Variants in GABRB2 observed in about 807,000 individuals in gnomAD.
The protein encoded by GABRB2 is gamma-aminobutyric acid receptor subunit beta-2.
In GABRB2, 16 loss-of-function variants were observed where a neutral mutation model predicts 54.7. That is an observed-to-expected ratio of 0.29 (90% CI 0.20 to 0.44). The LOEUF is 0.44. GABRB2 is among the 20% of genes least tolerant of loss of function. The probability of loss-of-function intolerance (pLI) is 1.00; values close to 1 mark genes in which losing one functional copy is unlikely to be tolerated. For synonymous variants in GABRB2, 244 were observed against 233.8 expected (o/e 1.04, Z -0.40); for missense variants, 355 against 644.0 (o/e 0.55, Z 4.86).
At chr5:161,339,068 TCA>T (rs1754077785) in intron 5 of GABRB2, among the ~76,000 whole-genome samples, 1 of 152,120 alleles carries the variant, frequency 6.6e-6, no homozygotes, top group South Asian at 2.1e-4. Context: ...TCCATATCTC[TCA>T]GTTATGAAAT....
intron 5 of GABRB2, among the ~76,000 whole-genome samples, chr5:161,403,650 T>G (rs1346100794): frequency 6.6e-6 from 1 of 152,058 alleles, no homozygotes; most frequent in Non-Finnish European, 1.5e-5. Context: ...TAACTTAAAT[T>G]TTCATGTTTA....
chr5:161,357,077 T>C (rs1269996602), intron 5 of GABRB2, among the ~76,000 whole-genome samples: 2 of 152,134 alleles, frequency 1.3e-5, no homozygotes, highest in Non-Finnish European at 2.9e-5. Flanking sequence ...AATAGGTGAA[T>C]TACGTACTAT....
At chr5:161,295,448 G>A (rs1030405307) in intron 9 of GABRB2, among the ~76,000 whole-genome samples, 2 of 152,074 alleles carry the variant, frequency 1.3e-5, no homozygotes, top group Non-Finnish European at 2.9e-5. Flanking sequence ...GACAGAACAA[G>A]TTTTCATTAA....
At chr5:161,370,541 C>G (rs1278229629) in intron 5 of GABRB2, among the ~76,000 whole-genome samples, 1 of 152,182 alleles carries the variant, frequency 6.6e-6, no homozygotes, top group Admixed American at 6.5e-5. Flanking sequence ...GAGAAAACTG[C>G]TCTGTGACTT....
chr5:161,366,665 G>T (rs899049804), intron 5 of GABRB2, among the ~76,000 whole-genome samples: 2 of 152,144 alleles, frequency 1.3e-5, no homozygotes, highest in South Asian at 2.1e-4. Context: ...TAAGAACAAG[G>T]CCAGGCGTGA....
At chr5:161,339,330 G>A (rs931434320) in intron 5 of GABRB2, among the ~76,000 whole-genome samples, 3 of 152,030 alleles carry the variant, frequency 2.0e-5, no homozygotes, top group African/African-American at 4.8e-5. Context: ...CATTTATTAC[G>A]TTAGTTGGTG....
chr5:161,541,466 T>C (rs185079869), intron 3 of GABRB2, among the ~76,000 whole-genome samples: 2 of 152,346 alleles, frequency 1.3e-5, no homozygotes, highest in Non-Finnish European at 1.5e-5. Context: ...GATAGAAGAC[T>C]CTCTTATCTA....
At chr5:161,389,595 T>TGTGG (rs1755756018) in intron 5 of GABRB2, among the ~76,000 whole-genome samples, 1 of 151,480 alleles carries the variant, frequency 6.6e-6, no homozygotes, top group African/African-American at 2.4e-5. Context: ...TGTGTGTGTG[T>TGTGG]GTGTAAAGAG....
In GABRB2 at chr5:161,337,400, C is replaced by T. The variant is rs529732799; in HGVS notation, c.542-631G>A. On this transcript the variant is annotated intron_variant, in intron 5 of 9. Transcript: ENST00000393959. ...CATATTTAGTTTCAAAGAAAATCTT[C>T]CACAGAAAAACTCAAAACAACATTA... 2.6e-5 allele frequency among the ~76,000 whole-genome samples: 4 copies of T among 152,240 alleles called. No homozygotes were observed. In the East Asian group the frequency reaches 7.7e-4, roughly 29 times the overall value.
chr5:161,374,852 C>G (rs1299781920), intron 5 of GABRB2, among the ~76,000 whole-genome samples: 2 of 152,140 alleles, frequency 1.3e-5, no homozygotes, highest in Non-Finnish European at 2.9e-5. Context: ...ACAGTATTAT[C>G]TCCTTAAGCC....
chr5:161,452,208 GATAA>G (rs1434490674), intron 4 of GABRB2, among the ~76,000 whole-genome samples: 6 of 152,130 alleles, frequency 3.9e-5, no homozygotes, highest in Non-Finnish European at 8.8e-5. Flanking sequence ...TCTTCAAGGA[GATAA>G]ATAGTTTCTT....
intron 5 of GABRB2, among the ~76,000 whole-genome samples, chr5:161,360,750 G>A (rs930181932): frequency 2.6e-5 from 4 of 152,062 alleles, no homozygotes; most frequent in Non-Finnish European, 4.4e-5. Flanking sequence ...TAAATGTTAC[G>A]TATTTCCTGA....
chr5:161,306,888 T>C (rs946158166), intron 9 of GABRB2, among the ~76,000 whole-genome samples: 9 of 152,152 alleles, frequency 5.9e-5, no homozygotes, highest in Non-Finnish European at 1.3e-4. Flanking sequence ...GGTAAGCCTG[T>C]GCGCACTGTG....
At chr5:161,440,387 AAATG>A (rs1400688967) in intron 4 of GABRB2, among the ~76,000 whole-genome samples, 1 of 152,196 alleles carries the variant, frequency 6.6e-6, no homozygotes, top group East Asian at 1.9e-4. Context: ...GAAAATAAAT[AAATG>A]AAAGAAGGTA....
At chr5:161,442,352 T>G (rs1229631045) in intron 4 of GABRB2, among the ~76,000 whole-genome samples, 1 of 151,990 alleles carries the variant, frequency 6.6e-6, no homozygotes. Flanking sequence ...TGAGCAAAAG[T>G]ATATGCTTTT....
chr5:161,351,037 C>T (rs1225710923), intron 5 of GABRB2, among the ~76,000 whole-genome samples: 1 of 152,024 alleles, frequency 6.6e-6, no homozygotes, highest in Non-Finnish European at 1.5e-5. Flanking sequence ...TAATAAAGTC[C>T]CCTTCACATA....
intron 3 of GABRB2, among the ~76,000 whole-genome samples, chr5:161,528,019 C>T (rs998757811): frequency 1.3e-5 from 2 of 151,576 alleles, no homozygotes; most frequent in Non-Finnish European, 3.0e-5. Flanking sequence ...TTTAATATAA[C>T]TTAGTTCACA....
chr5:161,471,256 C>G (rs1424129504), intron 3 of GABRB2, among the ~76,000 whole-genome samples: 2 of 151,938 alleles, frequency 1.3e-5, no homozygotes, highest in Non-Finnish European at 2.9e-5. Flanking sequence ...AAGCTGTTTC[C>G]ACACTCCTAG....
At chr5:161,503,807 G>T (rs1759521270) in intron 3 of GABRB2, among the ~76,000 whole-genome samples, 1 of 150,912 alleles carries the variant, frequency 6.6e-6, no homozygotes. Context: ...TCATTTATTT[G>T]CCCTTCATAA....
Sources: allele counts gnomAD v4.1 joint callset (sites outside exome capture counted in the v4.1 genomes callset), GRCh38; gene constraint gnomAD v4.1.1; transcripts MANE v1.5; gene names NCBI Gene and HGNC (gene_info 2026-07-23, HGNC 2026-07-21).